CNTNAP5: variants seen among roughly 807,000 people sequenced by gnomAD.
The protein encoded by CNTNAP5 is contactin-associated protein-like 5.
Under a neutral mutation model 150.2 loss-of-function variants are expected in CNTNAP5, and 72 were observed. The observed-to-expected ratio is 0.48, with a 90% CI of 0.40 to 0.58. The LOEUF (loss-of-function observed/expected upper bound fraction) is 0.58, where lower values mean the gene tolerates loss of function less well. Among genes scored for constraint, CNTNAP5 ranks in the 20% least tolerant of loss-of-function variants. CNTNAP5 has a pLI of 0.00. For synonymous variants in CNTNAP5, 672 were observed against 619.8 expected (o/e 1.08, Z -1.25); for missense variants, 1,636 against 1,626.2 (o/e 1.01, Z -0.10).
At chr2:124,114,803 T>C (rs1286205492) in intron 1 of CNTNAP5, among the ~76,000 whole-genome samples, 1 of 151,640 alleles carries the variant, frequency 6.6e-6, no homozygotes, top group African/African-American at 2.4e-5. Context: ...ATTTGCAATA[T>C]ACCAAACATA....
intron 1 of CNTNAP5, among the ~76,000 whole-genome samples, chr2:124,133,216 A>G (rs1348529370): frequency 1.3e-5 from 2 of 152,146 alleles, no homozygotes; most frequent in Non-Finnish European, 2.9e-5. Flanking sequence ...TGAAATTCAC[A>G]CTCAGATATT....
In CNTNAP5 at chr2:124,489,035, C is replaced by T. The variant is rs559021716; in HGVS notation, c.1062+14153C>T. Among the ~76,000 whole-genome samples the T allele has an allele frequency of 2.0e-5, 3 of 152,314 alleles. No homozygotes were observed. In the South Asian group the frequency reaches 6.2e-4, roughly 32 times the overall value. ...GCTTCTCCAGTCAATTGGGCCACTA[C>T]GTAGCTAGTGGAATCCATTGTTTAA... is the stretch of plus-strand genomic sequence containing the variant. On this transcript the variant is annotated intron_variant, in intron 7 of 23. Transcript: ENST00000682447.
chr2:124,046,400 T>TCCA (rs1681536369), intron 1 of CNTNAP5, among the ~76,000 whole-genome samples: 1 of 132,380 alleles, frequency 7.6e-6, no homozygotes, highest in African/African-American at 2.9e-5. Flanking sequence ...TGTCCTTTCC[T>TCCA]CCACCTCCCC....
chr2:124,213,461 T>C (rs1314814738), intron 1 of CNTNAP5, among the ~76,000 whole-genome samples: 2 of 152,176 alleles, frequency 1.3e-5, no homozygotes, highest in African/African-American at 4.8e-5. Context: ...ACTTGTGTCT[T>C]TCATCCTTTC....
chr2:124,406,008 G>A (rs1691561234), intron 3 of CNTNAP5, among the ~76,000 whole-genome samples: 1 of 152,174 alleles, frequency 6.6e-6, no homozygotes, highest in Non-Finnish European at 1.5e-5. Context: ...CTTTAACTGT[G>A]TCCCACAAGC....
At chr2:124,442,983 T>C (rs570787180) in intron 5 of CNTNAP5, among the ~76,000 whole-genome samples, 2 of 152,240 alleles carry the variant, frequency 1.3e-5, no homozygotes, top group East Asian at 3.9e-4. Flanking sequence ...CTCCTAGGCA[T>C]TTAAATAGTC....
At chr2:124,240,309 T>C (rs1231199435) in intron 2 of CNTNAP5, among the ~76,000 whole-genome samples, 2 of 152,156 alleles carry the variant, frequency 1.3e-5, no homozygotes, top group Non-Finnish European at 2.9e-5. Flanking sequence ...TCTGCCATCA[T>C]CTAGATCTTG....
At chr2:124,913,197 A>G (rs1277648909) in intron 23 of CNTNAP5, among the ~76,000 whole-genome samples, 2 of 152,094 alleles carry the variant, frequency 1.3e-5, no homozygotes, top group East Asian at 1.9e-4. Flanking sequence ...ACAGCAAAAT[A>G]TAGAACTTAT....
intron 3 of CNTNAP5, among the ~76,000 whole-genome samples, chr2:124,294,562 T>C (rs1688374427): frequency 6.6e-6 from 1 of 152,134 alleles, no homozygotes; most frequent in South Asian, 2.1e-4. Flanking sequence ...TTTGAAGAAC[T>C]GGAGGAAGGC....
At chr2:124,773,577 T>C (rs1681252531) in intron 17 of CNTNAP5, among the ~76,000 whole-genome samples, 2 of 152,202 alleles carry the variant, frequency 1.3e-5, no homozygotes, top group South Asian at 4.1e-4. Flanking sequence ...GCTGTTCATC[T>C]GAACTGGCAA....
intron 3 of CNTNAP5, among the ~76,000 whole-genome samples, chr2:124,341,351 G>A (rs1484743435): frequency 1.3e-5 from 2 of 152,036 alleles, no homozygotes; most frequent in Admixed American, 6.6e-5. Context: ...ATTTTCTTTA[G>A]TTCAAAGCAA....
At chr2:124,455,262 T>C (rs552327778) in intron 6 of CNTNAP5, among the ~76,000 whole-genome samples, 3 of 151,938 alleles carry the variant, frequency 2.0e-5, no homozygotes, top group Non-Finnish European at 2.9e-5. Context: ...TTAAAGACTA[T>C]TATAAACACC....
At chr2:124,201,557 T>C (rs916230228) in intron 1 of CNTNAP5, among the ~76,000 whole-genome samples, 1 of 152,248 alleles carries the variant, frequency 6.6e-6, no homozygotes, top group African/African-American at 2.4e-5. Flanking sequence ...CCTGCTTCTT[T>C]TAACACTTAA....
At chr2:124,180,410 T>C (rs556594067) in intron 1 of CNTNAP5, among the ~76,000 whole-genome samples, 353 of 152,316 alleles carry the variant, frequency 2.3e-3, no homozygotes, top group African/African-American at 7.9e-3. Flanking sequence ...TTTATCAATA[T>C]TTTAGACCCC....
chr2:124,727,404 G>A (rs560211578), intron 13 of CNTNAP5, among the ~76,000 whole-genome samples: 1 of 151,892 alleles, frequency 6.6e-6, no homozygotes, highest in South Asian at 2.1e-4. Flanking sequence ...ATTGAACTTT[G>A]GGTAGTATGG....
chr2:124,887,530 G>A (rs565468523), intron 21 of CNTNAP5, among the ~76,000 whole-genome samples: 1 of 152,184 alleles, frequency 6.6e-6, no homozygotes, highest in African/African-American at 2.4e-5. Context: ...TACCAGAGTT[G>A]CTCTGAAGAT....
chr2:124,285,139 G>A (rs1008566425), intron 3 of CNTNAP5, among the ~76,000 whole-genome samples: 1 of 152,188 alleles, frequency 6.6e-6, no homozygotes, highest in Non-Finnish European at 1.5e-5. Context: ...GGCAACTTGA[G>A]TAGCTTTAGT....
intron 19 of CNTNAP5, among the ~76,000 whole-genome samples, chr2:124,828,017 A>G (rs1278023261): frequency 6.6e-6 from 1 of 152,126 alleles, no homozygotes; most frequent in South Asian, 2.1e-4. Context: ...AGTTGCTCCC[A>G]CTTGCACCCA....
intron 1 of CNTNAP5, among the ~76,000 whole-genome samples, chr2:124,185,236 A>G (rs1268274730): frequency 6.6e-6 from 1 of 152,136 alleles, no homozygotes; most frequent in African/African-American, 2.4e-5. Flanking sequence ...GCCACTTACT[A>G]TGTCAGCATT....
Sources: allele counts gnomAD v4.1 joint callset (sites outside exome capture counted in the v4.1 genomes callset), GRCh38; gene constraint gnomAD v4.1.1; transcripts MANE v1.5; gene names NCBI Gene and HGNC (gene_info 2026-07-23, HGNC 2026-07-21).